Variants in ANKRD10 observed in about 807,000 individuals in gnomAD.
ANKRD10 encodes ankyrin repeat domain 10.
Under a neutral mutation model 27.0 loss-of-function variants are expected in ANKRD10, and 14 were observed. The observed-to-expected ratio is 0.52, with a 90% CI of 0.34 to 0.81. The LOEUF (loss-of-function observed/expected upper bound fraction) is 0.81, where lower values mean the gene tolerates loss of function less well. Among genes scored for constraint, ANKRD10 ranks in the 40% least tolerant of loss-of-function variants. ANKRD10 has a pLI of 0.01. For missense variants in ANKRD10, 493 were observed against 544.0 expected (o/e 0.91, Z 0.93); for synonymous variants, 250 against 224.5 (o/e 1.11, Z -1.01).
chr13:110,914,490 G>A, intron 1 of ANKRD10: 2 of 404,858 alleles, frequency 4.9e-6, no homozygotes, highest in Non-Finnish European at 8.0e-6. Context: ...GGCCCCTCCG[G>A]ACGCAGGCGC....
At chr13:110,880,164 GA>G in intron 5 of ANKRD10, 52 bp from the exon 6 acceptor site, 1 of 1,470,850 alleles carries the variant, frequency 6.8e-7, no homozygotes, top group Middle Eastern at 1.8e-4. Flanking sequence ...TGAGGGAGGA[GA>G]AACTATAAAA....
intron 4 of ANKRD10, among the ~76,000 whole-genome samples, chr13:110,887,398 C>T (rs984841851): frequency 3.9e-5 from 6 of 152,148 alleles, no homozygotes; most frequent in African/African-American, 4.8e-5. Context: ...TATGGGAGTG[C>T]TGACCAGGTG....
chr13:110,893,010 C>T lies in ANKRD10; in HGVS notation c.691+18G>A. ...AGGAAAAATAAGTGTGCTCTTCCCA[C>T]CCGCAAAGCGGTCTCACCTTCAGTT... On this transcript the variant is annotated intron_variant, in intron 4 of 5. Transcript: ENST00000267339. The T allele has an allele frequency of 2.5e-6, 4 of 1,612,570 alleles. No homozygotes were observed. Among genetic ancestry groups the T allele is most frequent in the Non-Finnish European group, 3.4e-6 (4 of 1,179,212 alleles).
intron 4 of ANKRD10, among the ~76,000 whole-genome samples, chr13:110,886,674 T>C (rs558893088): frequency 1.1e-4 from 16 of 152,300 alleles, no homozygotes; most frequent in Admixed American, 2.0e-4. Flanking sequence ...TGTGGCATTT[T>C]CCCCCACACC....
chr13:110,886,910 G>C (rs1271912548), intron 4 of ANKRD10, among the ~76,000 whole-genome samples: 2 of 152,330 alleles, frequency 1.3e-5, no homozygotes, highest in East Asian at 3.9e-4. Flanking sequence ...TTCACCTGCT[G>C]ACTGTAAAAG....
Position 110,879,743 on chromosome 13 carries a change from C to T in ANKRD10, c.1157G>A (p.Ser386Asn), listed in dbSNP as rs2064775748. 2.5e-6 allele frequency: 4 copies of T among 1,614,240 alleles called. No homozygotes were observed. In the East Asian group the frequency reaches 8.9e-5, roughly 36 times the overall value. ...GACCACACTGTTCAGTTCTGGGATG[C>T]TTTCAGCAGTGTCCCCAAACCCGTG... is the stretch of plus-strand genomic sequence containing the variant. ...HYHGFGDTAE[S>N]IPELNSVVEH... The change falls in exon 6 of 6, where the codon AGC (serine) becomes AAC (asparagine). Residue 386 changes from serine (S) to asparagine (N), a missense_variant. Physicochemically the swap from Ser to Asn is conservative, Grantham distance 46. Transcript: ENST00000267339.
At chr13:110,910,141 C>T (rs570064217) in intron 2 of ANKRD10, among the ~76,000 whole-genome samples, 3 of 152,268 alleles carry the variant, frequency 2.0e-5, no homozygotes, top group South Asian at 4.2e-4. Flanking sequence ...GTTTAAATAC[C>T]AAGTCCTCAA....
Position 110,893,175 on chromosome 13 carries a change from T to G in ANKRD10, c.544A>C (p.Asn182His). ...ECAQFLLNLQ[N>H]CHLNHFYNNG... is the part of the protein sequence containing the mutation. ...TTATAGAAATGGTTCAGATGACAAT[T>G]CTGGAGGTTCAAGAGAAACTGGGCA... The change falls in exon 4 of 6, where the codon AAT (asparagine) becomes CAT (histidine). Residue 182 changes from asparagine to histidine, a missense_variant. By Grantham distance (68) the Asn-to-His change is moderately conservative. Transcript: ENST00000267339. 1 of 1,614,130 alleles carries G rather than the reference T, an allele frequency of 6.2e-7. No individual in the cohort carries two copies. Among genetic ancestry groups the G allele is most frequent in the Non-Finnish European group, 8.5e-7 (1 of 1,180,008 alleles).
intron 2 of ANKRD10, among the ~76,000 whole-genome samples, chr13:110,907,941 G>GCTTTTT (rs1311054060): frequency 9.2e-5 from 14 of 152,290 alleles, no homozygotes; most frequent in Admixed American, 9.2e-4. Flanking sequence ...GTCTGTCACG[G>GCTTTTT]TGGGATATTA....
intron 5 of ANKRD10, 123 bp from the exon 6 acceptor site, chr13:110,880,235 GTTC>G: frequency 2.4e-6 from 2 of 845,548 alleles, no homozygotes; most frequent in Non-Finnish European, 3.6e-6. Flanking sequence ...TTTTAAACCA[GTTC>G]TTTTTTCAAA....
At chr13:110,888,859 C>T (rs1331834725) in intron 4 of ANKRD10, among the ~76,000 whole-genome samples, 1 of 152,120 alleles carries the variant, frequency 6.6e-6, no homozygotes, top group African/African-American at 2.4e-5. Context: ...CAGTAATATG[C>T]CTATGTGATT....
At position 110,879,932 on chromosome 13, in the gene ANKRD10, T is replaced by C; in HGVS notation, c.968A>G (p.Gln323Arg). 6.2e-7 allele frequency: 1 copy of C among 1,614,228 alleles called. No individual in the cohort carries two copies. Among genetic ancestry groups the C allele is most frequent in the Non-Finnish European group, 8.5e-7 (1 of 1,180,042 alleles). The change falls in exon 6 of 6, where the codon CAG becomes CGG. Residue 323 changes from glutamine (Q) to arginine (R), a missense_variant. Physicochemically the swap from Gln to Arg is conservative, Grantham distance 43. Coordinates refer to ENST00000267339, the MANE Select transcript of ANKRD10 (RefSeq NM_017664.4). ...AGTCCCACTAATGCAGAGAGAACCC[T>C]GGCTACTCGGAAACGGCTGTCCTGG... ...LAPGQPFPSS[Q>R]GSLCISGTEE...
chr13:110,888,144 G>A (rs1279973114), intron 4 of ANKRD10, among the ~76,000 whole-genome samples: 2 of 151,876 alleles, frequency 1.3e-5, no homozygotes, highest in Non-Finnish European at 2.9e-5. Context: ...AAAGGACAGA[G>A]AAGGGAACTG....
chr13:110,897,362 G>A (rs1293367813), intron 3 of ANKRD10, among the ~76,000 whole-genome samples: 1 of 143,594 alleles, frequency 7.0e-6, no homozygotes, highest in Non-Finnish European at 1.5e-5. Context: ...GGCCTCAAGT[G>A]ATCCTCCCAC....
At chr13:110,882,246 G>A (rs1010050539) in intron 5 of ANKRD10, among the ~76,000 whole-genome samples, 8 of 152,334 alleles carry the variant, frequency 5.3e-5, no homozygotes, top group South Asian at 2.1e-4. Flanking sequence ...AATTTTGGCA[G>A]AACAAAAATT....
In ANKRD10 at chr13:110,910,724, A is replaced by C; in HGVS notation, c.257T>G (p.Val86Gly). The C allele has an allele frequency of 2.5e-6, 4 of 1,614,150 alleles. No homozygotes were observed. Among genetic ancestry groups the C allele is most frequent in the Non-Finnish European group, 3.4e-6 (4 of 1,180,012 alleles). ...CGTCTGCGCGTACCGTGTGGTGGAG[A>C]CGTTGAGTGTGGCTCCCGCTCTCAC... ...QLVRAGATLN[V>G]STTRYAQTPA... Residue 86 changes from valine (V) to glycine (G), a missense_variant, in exon 2 of 6, where the codon GTC (valine) becomes GGC (glycine). Physicochemically the swap from Val to Gly is moderately radical, Grantham distance 109. Transcript: ENST00000267339.
rs1309037423 is a variant in ANKRD10 at position 110,914,895 on chromosome 13, A to G, written c.40T>C (p.Phe14Leu). The G allele has an allele frequency of 3.3e-5, 51 of 1,538,940 alleles. No homozygotes were observed. The highest frequency in any genetic ancestry group is 4.3e-5 in the Non-Finnish European group (49 of 1,146,482). ...AGCGAGAGCAGCTCCTCGCTGGAGA[A>G]GCCCGCCTCTACGCCCGCGCCCGCT... ...AGAGAGVEAG[F>L]SSEELLSLRF... is the part of the protein sequence containing the mutation. Residue 14 changes from phenylalanine to leucine, a missense_variant, in exon 1 of 6, where the codon TTC becomes CTC. By Grantham distance (22) the Phe-to-Leu change is conservative (BLOSUM62 0). Coordinates refer to ENST00000267339, the MANE Select transcript of ANKRD10 (RefSeq NM_017664.4).
intron 4 of ANKRD10, among the ~76,000 whole-genome samples, chr13:110,890,990 T>C (rs573613919): frequency 1.2e-4 from 19 of 152,046 alleles, no homozygotes; most frequent in Non-Finnish European, 2.1e-4. Context: ...CAATGTGGTA[T>C]TGGCCAATTC....
In ANKRD10 at chr13:110,878,633, T is replaced by G. The variant is rs1235800728; in HGVS notation, c.*1004A>C. ...GAACACTGGTTTGTTCATTTGACAT[T>G]TTATCTGCACCAATTTTTATTACAA... On this transcript the variant is annotated 3_prime_UTR_variant, in exon 6 of 6. Transcript: ENST00000267339. The G allele has an allele frequency of 2.0e-5, 3 of 152,536 alleles. No homozygotes were observed. Among genetic ancestry groups the G allele is most frequent in the African/African-American group, 4.8e-5 (2 of 41,454 alleles). The allele number at this position is 152,536 out of a possible 1,614,324, so 9.4% of individuals were successfully genotyped here.
Sources: allele counts gnomAD v4.1 joint callset (sites outside exome capture counted in the v4.1 genomes callset), GRCh38; gene constraint gnomAD v4.1.1; transcripts MANE v1.5; gene names NCBI Gene and HGNC (gene_info 2026-07-23, HGNC 2026-07-21).